The following SHCBP1 variants were observed in gnomAD, a reference collection of about 807,000 sequenced individuals.
SHCBP1 encodes the protein SHC binding and spindle associated 1.
In SHCBP1, 60 loss-of-function variants were observed where a neutral mutation model predicts 75.1. That is an observed-to-expected ratio of 0.80 (90% CI 0.65 to 0.99). The LOEUF is 0.99. Among genes scored for constraint, SHCBP1 ranks in the 50% least tolerant of loss-of-function variants. The pLI, the probability that SHCBP1 is intolerant of heterozygous loss-of-function variation, is 0.00. For synonymous variants in SHCBP1, 290 were observed against 293.2 expected, an observed-to-expected ratio of 0.99 and a Z score of 0.11; for missense variants, 709 against 809.4, an observed-to-expected ratio of 0.88 and a Z score of 1.50.
At position 46,581,310 on chromosome 16, in the gene SHCBP1, A is replaced by T; in HGVS notation, c.*419T>A. On this transcript the variant is annotated 3_prime_UTR_variant, in exon 13 of 13. Transcript: ENST00000303383. ...CAAATACAGGATGGAAATCAGACTCACTGTAATTGGGATGAAAAGGCAACT... is the reference window on the plus strand; with the variant it reads ...CAAATACAGGATGGAAATCAGACTCTCTGTAATTGGGATGAAAAGGCAACT... The T allele has an allele frequency of 6.3e-6, 1 of 158,790 alleles. No homozygotes were observed. Among genetic ancestry groups the T allele is most frequent in the Non-Finnish European group, 1.4e-5 (1 of 72,236 alleles). The allele number at this position is 158,790 out of a possible 1,614,324, so 9.8% of individuals were successfully genotyped here.
At chr16:46,613,250 C>CATTGAAT (rs1965446954) in intron 4 of SHCBP1, among the ~76,000 whole-genome samples, 3 of 152,284 alleles carry the variant, frequency 2.0e-5, no homozygotes, top group Non-Finnish European at 4.4e-5. Context: ...GCCTTGAGCC[C>CATTGAAT]CACAGTTCGA....
chr16:46,603,711 T>C, intron 7 of SHCBP1, 52 bp from the exon 8 acceptor site: 3 of 1,605,222 alleles, frequency 1.9e-6, no homozygotes, highest in Non-Finnish European at 2.6e-6. Flanking sequence ...AAAAAGTAAT[T>C]TGAGTATTAC....
intron 10 of SHCBP1, among the ~76,000 whole-genome samples, chr16:46,589,659 T>A (rs2142998230): frequency 6.6e-6 from 1 of 152,292 alleles, no homozygotes; most frequent in South Asian, 2.1e-4. Flanking sequence ...AAACCACTGC[T>A]CAATGAAATA....
At chr16:46,608,664 C>T (rs1040089179) in intron 4 of SHCBP1, among the ~76,000 whole-genome samples, 4 of 138,680 alleles carry the variant, frequency 2.9e-5, no homozygotes, top group African/African-American at 8.1e-5. Context: ...AGTGCAATGG[C>T]GTGATCTTGG....
intron 4 of SHCBP1, among the ~76,000 whole-genome samples, chr16:46,610,535 A>T (rs1426264381): frequency 3.1e-5 from 1 of 32,654 alleles, no homozygotes; most frequent in African/African-American, 8.9e-5. Context: ...TTACATCCCC[A>T]TGGGGTCAAT....
chr16:46,590,580 C>G (rs1167355344), intron 10 of SHCBP1, among the ~76,000 whole-genome samples: 1 of 152,158 alleles, frequency 6.6e-6, no homozygotes, highest in East Asian at 1.9e-4. Flanking sequence ...TCGCCATCAC[C>G]GGCCATCAGA....
chr16:46,583,419 C>CT, intron 12 of SHCBP1, 97 bp downstream of exon 12: 2 of 1,330,332 alleles, frequency 1.5e-6, no homozygotes, highest in Non-Finnish European at 2.0e-6. Context: ...TCCCAACAAC[C>CT]TTTTTTAAGG....
chr16:46,589,709 T>A (rs910156315), intron 10 of SHCBP1, among the ~76,000 whole-genome samples: 7 of 152,176 alleles, frequency 4.6e-5, no homozygotes, highest in African/African-American at 1.7e-4. Flanking sequence ...TGCTCATGGA[T>A]AGGAAGAATC....
At chr16:46,607,071 C>T (rs764275760) in intron 5 of SHCBP1, among the ~76,000 whole-genome samples, 1 of 151,932 alleles carries the variant, frequency 6.6e-6, no homozygotes, top group Middle Eastern at 3.2e-3. Context: ...GAGGTCTTCC[C>T]GGGCTGGGCA....
intron 8 of SHCBP1, among the ~76,000 whole-genome samples, chr16:46,603,231 G>A (rs567777605): frequency 6.6e-6 from 1 of 151,984 alleles, no homozygotes; most frequent in South Asian, 2.1e-4. Context: ...TTTAATTCTA[G>A]AAATTAGATT....
chr16:46,582,986 GT>G (rs1280544678), intron 12 of SHCBP1, among the ~76,000 whole-genome samples: 1 of 152,182 alleles, frequency 6.6e-6, no homozygotes, highest in Non-Finnish European at 1.5e-5. Flanking sequence ...TTTCCACTGA[GT>G]TAGCTCCCCT....
At chr16:46,587,374 A>T (rs1396929583) in intron 10 of SHCBP1, among the ~76,000 whole-genome samples, 1 of 152,188 alleles carries the variant, frequency 6.6e-6, no homozygotes, top group Non-Finnish European at 1.5e-5. Flanking sequence ...CAAATCAAGA[A>T]ATGAAAAGCA....
intron 10 of SHCBP1, among the ~76,000 whole-genome samples, chr16:46,586,296 T>C (rs556049392): frequency 6.6e-6 from 1 of 152,328 alleles, no homozygotes; most frequent in Non-Finnish European, 1.5e-5. Context: ...ATGGAAATTT[T>C]AGAATTGAAA....
Position 46,584,049 on chromosome 16 carries a change from AG to A in SHCBP1, c.1504del (p.Leu502Ter). 6.2e-7 allele frequency: 1 copy of A among 1,606,362 alleles called. No individual in the cohort carries two copies. On this transcript the variant is annotated frameshift_variant, in exon 11 of 13. Coordinates refer to ENST00000303383, the MANE Select transcript of SHCBP1 (RefSeq NM_024745.5). LOFTEE classifies it high-confidence loss of function. The part of the protein sequence containing the change: ...IEIYPGSQCT[L>X]SDNGIHHCKE... ...GCAGTGATGGATCCCATTGTCACTC[AG>A]GGTGCACTGACTCCCAGGGTAGATT...
At chr16:46,615,148 T>G (rs1965475051) in intron 4 of SHCBP1, among the ~76,000 whole-genome samples, 1 of 152,252 alleles carries the variant, frequency 6.6e-6, no homozygotes. Flanking sequence ...AAATACATTT[T>G]CTCTTCCTTA....
rs971385440 is a variant in SHCBP1 at position 46,584,209 on chromosome 16, C to T, written c.1465-120G>A. 5.0e-6 allele frequency: 3 copies of T among 595,774 alleles called. No individual in the cohort carries two copies. The Admixed American group carries it at 1.0e-4, about 20-fold the overall frequency. 36.9% of individuals were successfully genotyped at this position (595,774 alleles called of 1,614,324 possible). ...AAATGTACAGCACAAAGATAAAGTACTTTACAGATAAGTTTTACCAGCCAT... is the reference window on the plus strand; with the variant it reads ...AAATGTACAGCACAAAGATAAAGTATTTTACAGATAAGTTTTACCAGCCAT... On this transcript the variant is annotated intron_variant, in intron 10 of 12. Transcript: ENST00000303383.
At chr16:46,600,746 C>T (rs889464844) in intron 8 of SHCBP1, among the ~76,000 whole-genome samples, 14 of 152,316 alleles carry the variant, frequency 9.2e-5, no homozygotes, top group Admixed American at 6.5e-4. Flanking sequence ...GGTACGGTGG[C>T]GCACGCCTGT....
intron 9 of SHCBP1, among the ~76,000 whole-genome samples, chr16:46,598,297 AT>A (rs1189627737): frequency 6.6e-6 from 1 of 152,190 alleles, no homozygotes; most frequent in East Asian, 1.9e-4. Flanking sequence ...TAGGAAGTGT[AT>A]TTCTCAAATA....
chr16:46,615,877 G>T, intron 4 of SHCBP1, 69 bp downstream of exon 4: 1 of 1,476,462 alleles, frequency 6.8e-7, no homozygotes, highest in Non-Finnish European at 9.5e-7. Flanking sequence ...GTCTAACACA[G>T]ACCAGAATTA....
Sources: allele counts gnomAD v4.1 joint callset (sites outside exome capture counted in the v4.1 genomes callset), GRCh38; gene constraint gnomAD v4.1.1; transcripts MANE v1.5; gene names NCBI Gene and HGNC (gene_info 2026-07-23, HGNC 2026-07-21).